SLC36A4: variants seen among roughly 807,000 people sequenced by gnomAD.
SLC36A4 encodes the protein solute carrier family 36 member 4.
In SLC36A4, 49 loss-of-function variants were observed where a neutral mutation model predicts 50.5. The ratio of observed to expected loss-of-function variants is 0.97; its 90% CI spans 0.77 to 1.23. The LOEUF is 1.23. SLC36A4 is among the 50% of genes most tolerant of loss of function. SLC36A4 has a pLI of 0.00. For synonymous variants in SLC36A4, 207 were observed against 206.5 expected (o/e 1.00, Z -0.02); for missense variants, 611 against 608.4 (o/e 1.00, Z -0.05).
At chr11:93,157,931 T>C (rs527947828) in intron 9 of SLC36A4, among the ~76,000 whole-genome samples, 5 of 152,170 alleles carry the variant, frequency 3.3e-5, no homozygotes, top group Non-Finnish European at 1.5e-5. Context: ...GTGAGAGTAA[T>C]AAGGATTATA....
intron 1 of SLC36A4, among the ~76,000 whole-genome samples, chr11:93,195,928 T>G (rs1862400976): frequency 6.6e-6 from 1 of 152,148 alleles, no homozygotes; most frequent in South Asian, 2.1e-4. Context: ...TGCTCTTGTT[T>G]TCCATAGCAC....
intron 1 of SLC36A4, among the ~76,000 whole-genome samples, chr11:93,192,091 A>C (rs909207109): frequency 6.6e-6 from 1 of 152,206 alleles, no homozygotes; most frequent in African/African-American, 2.4e-5. Context: ...TGAAGGAAAG[A>C]GACAATAAGA....
intron 2 of SLC36A4, chr11:93,185,276 A>C (rs1468098849): frequency 2.0e-5 from 3 of 153,590 alleles, no homozygotes; most frequent in Middle Eastern, 3.1e-3. Context: ...CCATTAAACT[A>C]TTATTAGAAT....
intron 9 of SLC36A4, 181 bp from the exon 10 acceptor site, chr11:93,154,458 C>T (rs1211977097): frequency 2.4e-5 from 8 of 336,302 alleles, no homozygotes; most frequent in Non-Finnish European, 4.3e-5. Context: ...CTAGATGATA[C>T]AAGAACAATT....
At position 93,154,272 on chromosome 11, in the gene SLC36A4, T is replaced by TATA; in HGVS notation, c.1040_1042dup (p.Leu347dup). 1 of 1,370,074 alleles carries TATA rather than the reference T, an allele frequency of 7.3e-7. No individual in the cohort carries two copies. The highest frequency in any genetic ancestry group is 9.5e-7 in the Non-Finnish European group (1 of 1,048,378). The allele number at this position is 1,370,074 out of a possible 1,614,324, so 84.9% of individuals were successfully genotyped here. A position where few individuals can be genotyped will look rare whatever the true frequency, so the allele number is the denominator to read the frequency against. ...GGAATATAGAATTTTCACTGATTGA[T>TATA]ATAACCTGTTGAAAAAAATTTTCAA... On this transcript the variant is annotated inframe_insertion, in exon 10 of 11. Transcript: ENST00000326402.
At chr11:93,163,465 C>A (rs1184095517) in intron 8 of SLC36A4, among the ~76,000 whole-genome samples, 1 of 152,116 alleles carries the variant, frequency 6.6e-6, no homozygotes, top group Non-Finnish European at 1.5e-5. Context: ...TTACATAAAA[C>A]CCCTCCATTT....
At chr11:93,172,998 C>T (rs1263163706) in intron 6 of SLC36A4, among the ~76,000 whole-genome samples, 1 of 148,536 alleles carries the variant, frequency 6.7e-6, no homozygotes, top group Non-Finnish European at 1.5e-5. Flanking sequence ...ATTTCCAGTT[C>T]TAGATCCCTG....
At chr11:93,163,781 T>TGTATGTATGTAC (rs1171538516) in intron 8 of SLC36A4, among the ~76,000 whole-genome samples, 1 of 151,780 alleles carries the variant, frequency 6.6e-6, no homozygotes. Context: ...TTCTCATGTA[T>TGTATGTATGTAC]GTATGTATGT....
intron 7 of SLC36A4, chr11:93,167,659 C>A (rs999371830): frequency 9.4e-6 from 3 of 318,428 alleles, no homozygotes; most frequent in African/African-American, 6.5e-5. Flanking sequence ...AGTCTCATAA[C>A]TCTAATAGGG....
intron 1 of SLC36A4, 60 bp downstream of exon 1, chr11:93,197,718 A>G: frequency 1.3e-6 from 2 of 1,533,134 alleles, no homozygotes; most frequent in Non-Finnish European, 1.8e-6. Context: ...GGCGCACCCG[A>G]CTCCCGCACA....
chr11:93,180,705 C>T, intron 6 of SLC36A4, 92 bp downstream of exon 6: 4 of 875,132 alleles, frequency 4.6e-6, no homozygotes, highest in Non-Finnish European at 7.2e-6. Flanking sequence ...AACACATTTT[C>T]AAATTCAACT....
chr11:93,176,581 T>A (rs373412240), intron 6 of SLC36A4, among the ~76,000 whole-genome samples: 2,267 of 152,200 alleles, frequency 0.015, 33 homozygotes, highest in South Asian at 0.088. Flanking sequence ...TTGCAGCAGC[T>A]GGTACCGGTT....
At position 93,185,956 on chromosome 11, in the gene SLC36A4, C is replaced by G. The variant is rs114288487; in HGVS notation, c.56-142G>C. ...TCCTAAGTTAGTTCATACTAATACC[C>G]TGAGTTTTAGTACATTTAAAAAGAA... On this transcript the variant is annotated intron_variant, in intron 1 of 10. Coordinates refer to ENST00000326402, the MANE Select transcript of SLC36A4 (RefSeq NM_152313.4). 1,440 of 630,944 alleles carry G rather than the reference C, an allele frequency of 2.3e-3. 15 individuals carry two copies. In the African/African-American group the frequency reaches 0.025, roughly 11 times the overall value. The allele number at this position is 630,944 out of a possible 1,614,324, so 39.1% of individuals were successfully genotyped here. A position where few individuals can be genotyped will look rare whatever the true frequency, so the allele number is the denominator to read the frequency against.
rs188974832 is a variant in SLC36A4, at chr11:93,187,672, T to C, written c.56-1858A>G. On this transcript the variant is annotated intron_variant, in intron 1 of 10. Coordinates refer to ENST00000326402, the MANE Select transcript of SLC36A4 (RefSeq NM_152313.4). Reference sequence around the variant, plus strand: ...ATACACAGGAATCCTAGTTCAAGAGTGTTCCCTCTGTCACTATAGTGAAGT... The same window carrying C: ...ATACACAGGAATCCTAGTTCAAGAGCGTTCCCTCTGTCACTATAGTGAAGT... Among the ~76,000 whole-genome samples, 12 of 152,334 alleles carry C rather than the reference T, an allele frequency of 7.9e-5. No homozygotes were observed. In the East Asian group the frequency reaches 2.3e-3, roughly 29 times the overall value.
rs1859822648 is a variant in SLC36A4, at chr11:93,145,139, T to C, written c.*3398A>G. ...ACTTGTGCCTTGCCACAGCTAGAAA[T>C]GGCACTAATACTTTAATATTTCAAG... On this transcript the variant is annotated 3_prime_UTR_variant, in exon 11 of 11. Transcript: ENST00000326402. 1 of 152,016 alleles carries C rather than the reference T, an allele frequency of 6.6e-6. No individual in the cohort carries two copies. Among genetic ancestry groups the C allele is most frequent in the Non-Finnish European group, 1.5e-5 (1 of 67,962 alleles). The allele number at this position is 152,016 out of a possible 1,614,324, so 9.4% of individuals were successfully genotyped here.
chr11:93,187,136 T>TAA (rs757482966), intron 1 of SLC36A4, among the ~76,000 whole-genome samples: 17,071 of 152,234 alleles, frequency 0.11, 1,263 homozygotes, highest in Non-Finnish European at 0.16. Context: ...CTCGAGTTTC[T>TAA]TGAAAATGCT....
chr11:93,190,449 A>C (rs1049811580), intron 1 of SLC36A4, among the ~76,000 whole-genome samples: 3 of 152,200 alleles, frequency 2.0e-5, no homozygotes, highest in Non-Finnish European at 4.4e-5. Context: ...TTTGATCATT[A>C]CATATTGTAT....
In SLC36A4 at chr11:93,175,190, C is replaced by T. The variant is rs370814436; in HGVS notation, c.540+5607G>A. 8.6e-5 allele frequency among the ~76,000 whole-genome samples: 13 copies of T among 150,922 alleles called. No homozygotes were observed. The East Asian group carries it at 2.4e-3, about 27-fold the overall frequency. ...TTTAGTCTTGGGAGAGTGTATGTGT[C>T]GAGGAATTTATCCATTTCTTCTAGA... On this transcript the variant is annotated intron_variant, in intron 6 of 10. Coordinates refer to ENST00000326402, the MANE Select transcript of SLC36A4 (RefSeq NM_152313.4).
chr11:93,176,157 G>C (rs1861459831), intron 6 of SLC36A4, among the ~76,000 whole-genome samples: 1 of 151,612 alleles, frequency 6.6e-6, no homozygotes, highest in Non-Finnish European at 1.5e-5. Context: ...ATATATTTAG[G>C]ATAGTTAGCT....
Sources: allele counts gnomAD v4.1 joint callset (sites outside exome capture counted in the v4.1 genomes callset), GRCh38; gene constraint gnomAD v4.1.1; transcripts MANE v1.5; gene names NCBI Gene and HGNC (gene_info 2026-07-23, HGNC 2026-07-21).